CNTN5: variants seen among roughly 807,000 people sequenced by gnomAD.
The protein encoded by CNTN5 is contactin 5, also known as contactin-5.
In CNTN5, 77 loss-of-function variants were observed where a neutral mutation model predicts 129.1. The ratio of observed to expected loss-of-function variants is 0.60; its 90% CI spans 0.50 to 0.72. The LOEUF is 0.72. Ranked by LOEUF, CNTN5 falls within the 30% of genes least tolerant of loss-of-function variation. The probability of loss-of-function intolerance (pLI) is 0.00; values close to 1 mark genes in which losing one functional copy is unlikely to be tolerated. For synonymous variants in CNTN5, 509 were observed against 465.6 expected (o/e 1.09, Z -1.20); for missense variants, 1,478 against 1,328.8 (o/e 1.11, Z -1.75).
intron 2 of CNTN5, among the ~76,000 whole-genome samples, chr11:99,473,628 T>C (rs1165403001): frequency 4.6e-5 from 7 of 151,976 alleles, no homozygotes; most frequent in Non-Finnish European, 7.4e-5. Context: ...TCCAACACTT[T>C]AAATTTTTTT....
chr11:99,579,711 G>C (rs76954537), intron 3 of CNTN5, among the ~76,000 whole-genome samples: 122,474 of 135,456 alleles, frequency 0.9, 55,662 homozygotes, highest in East Asian at 1. Flanking sequence ...AGTTGCTTAT[G>C]AGCTTAAGGA....
intron 3 of CNTN5, among the ~76,000 whole-genome samples, chr11:99,734,565 C>T (rs1943638305): frequency 6.6e-6 from 1 of 152,134 alleles, no homozygotes; most frequent in Non-Finnish European, 1.5e-5. Flanking sequence ...ACTGATTTTA[C>T]AACTCACATT....
chr11:99,652,104 G>T (rs1409532654), intron 3 of CNTN5, among the ~76,000 whole-genome samples: 1 of 152,028 alleles, frequency 6.6e-6, no homozygotes, highest in Non-Finnish European at 1.5e-5. Flanking sequence ...GTTGTCTGGG[G>T]CTGCAGTCTT....
chr11:100,162,916 TAACTC>T (rs1947504388), intron 13 of CNTN5, among the ~76,000 whole-genome samples: 1 of 151,852 alleles, frequency 6.6e-6, no homozygotes, highest in Non-Finnish European at 1.5e-5. Flanking sequence ...GAGTACCAGA[TAACTC>T]AATTCATTTC....
intron 7 of CNTN5, among the ~76,000 whole-genome samples, chr11:99,917,355 G>A (rs1383363473): frequency 6.6e-6 from 1 of 151,950 alleles, no homozygotes; most frequent in Non-Finnish European, 1.5e-5. Context: ...CCAGATTTAG[G>A]TTCTTTCAAG....
intron 9 of CNTN5, among the ~76,000 whole-genome samples, chr11:100,043,585 C>T (rs1190339315): frequency 1.3e-5 from 2 of 152,154 alleles, no homozygotes; most frequent in Admixed American, 6.5e-5. Context: ...CATGCTTTAG[C>T]ATACCAAACT....
At chr11:100,247,604 T>C (rs909284829) in intron 16 of CNTN5, among the ~76,000 whole-genome samples, 2 of 152,100 alleles carry the variant, frequency 1.3e-5, no homozygotes, top group African/African-American at 4.8e-5. Context: ...GCCCGGGATG[T>C]CAAGAGTATA....
intron 8 of CNTN5, among the ~76,000 whole-genome samples, chr11:99,990,453 TATACAC>T (rs1454034186): frequency 1.4e-5 from 2 of 143,976 alleles, no homozygotes; most frequent in African/African-American, 5.3e-5. Flanking sequence ...AATATATATA[TATACAC>T]ACACACACAC....
chr11:100,334,878 G>T (rs116696651), intron 21 of CNTN5, among the ~76,000 whole-genome samples: 4,264 of 149,288 alleles, frequency 0.029, 183 homozygotes, highest in African/African-American at 0.098. Context: ...CACCACTAAA[G>T]AACCTATCTA....
intron 1 of CNTN5, among the ~76,000 whole-genome samples, chr11:99,218,731 T>C (rs1015131889): frequency 2.0e-5 from 3 of 152,134 alleles, no homozygotes; most frequent in Non-Finnish European, 4.4e-5. Flanking sequence ...TTACAAGACC[T>C]GATAGAATAA....
chr11:99,831,557 C>T (rs914038709), intron 4 of CNTN5, among the ~76,000 whole-genome samples: 1 of 152,060 alleles, frequency 6.6e-6, no homozygotes, highest in Non-Finnish European at 1.5e-5. Context: ...AATGGTATCA[C>T]CAAGATTCAG....
chr11:100,299,534 A>G, intron 20 of CNTN5, 138 bp downstream of exon 20: 1 of 551,578 alleles, frequency 1.8e-6, no homozygotes, highest in Non-Finnish European at 3.0e-6. Context: ...CTTTTTGGAT[A>G]TATATTTCCC....
At chr11:99,846,377 AAAAG>A (rs1947699326) in intron 6 of CNTN5, among the ~76,000 whole-genome samples, 2 of 151,120 alleles carry the variant, frequency 1.3e-5, no homozygotes, top group South Asian at 2.1e-4. Context: ...AAAAAAAAAA[AAAAG>A]AAGTGTGTAT....
At chr11:99,034,500 G>A (rs1469631049) in intron 1 of CNTN5, among the ~76,000 whole-genome samples, 4 of 151,608 alleles carry the variant, frequency 2.6e-5, no homozygotes, top group Admixed American at 6.6e-5. Flanking sequence ...AGTCTTGGGA[G>A]AGTGTATGTG....
chr11:99,708,210 G>C (rs957901986), intron 3 of CNTN5, among the ~76,000 whole-genome samples: 6 of 151,668 alleles, frequency 4.0e-5, no homozygotes, highest in Non-Finnish European at 8.9e-5. Context: ...AAATATTACA[G>C]CTATGAAAAA....
intron 2 of CNTN5, among the ~76,000 whole-genome samples, chr11:99,547,871 T>C (rs1948352330): frequency 6.6e-6 from 1 of 152,202 alleles, no homozygotes; most frequent in African/African-American, 2.4e-5. Flanking sequence ...GGAGTTAGAC[T>C]GTCTAGATAT....
At chr11:99,583,895 A>G (rs1949703752) in intron 3 of CNTN5, among the ~76,000 whole-genome samples, 1 of 152,062 alleles carries the variant, frequency 6.6e-6, no homozygotes, top group Non-Finnish European at 1.5e-5. Flanking sequence ...AAATGCAGAA[A>G]TCACCCATCT....
At position 99,079,970 on chromosome 11, in the gene CNTN5, A is replaced by T. The variant is rs553756207; in HGVS notation, c.-210+58700A>T. ...CTGTTTTCTCTTCTATCCTTGAACT[A>T]TGTGTGGACAGGAACAGAGTACTGT... On this transcript the variant is annotated intron_variant, in intron 1 of 24. Coordinates refer to ENST00000524871, the MANE Select transcript of CNTN5 (RefSeq NM_014361.4). Among the ~76,000 whole-genome samples, 4 of 152,344 alleles carry T rather than the reference A, an allele frequency of 2.6e-5. No homozygotes were observed. In the East Asian group the frequency reaches 7.7e-4, roughly 29 times the overall value.
chr11:99,347,030 G>C (rs1937937537), intron 2 of CNTN5, among the ~76,000 whole-genome samples: 1 of 152,182 alleles, frequency 6.6e-6, no homozygotes. Flanking sequence ...GAGACACTAT[G>C]TTGTTTTGTA....
Sources: allele counts gnomAD v4.1 joint callset (sites outside exome capture counted in the v4.1 genomes callset), GRCh38; gene constraint gnomAD v4.1.1; transcripts MANE v1.5; gene names NCBI Gene and HGNC (gene_info 2026-07-23, HGNC 2026-07-21).